The following PPP1R1C variants were observed in gnomAD, a reference collection of about 807,000 sequenced individuals.
PPP1R1C encodes the protein protein phosphatase 1 regulatory inhibitor subunit 1C, also known as protein phosphatase 1 regulatory subunit 1C.
Under a neutral mutation model 17.4 loss-of-function variants are expected in PPP1R1C, and 15 were observed. That is an observed-to-expected ratio of 0.86 (90% CI 0.58 to 1.33). The LOEUF (loss-of-function observed/expected upper bound fraction) is 1.33. Ranked by LOEUF, PPP1R1C falls within the 40% of genes most tolerant of loss-of-function variation. PPP1R1C has a pLI of 0.00. For synonymous variants in PPP1R1C, 35 were observed against 43.1 expected (o/e 0.81, Z 0.73); for missense variants, 143 against 130.0 (o/e 1.10, Z -0.48).
chr2:182,076,288 A>G (rs1421531825), intron 4 of PPP1R1C, among the ~76,000 whole-genome samples: 5 of 121,020 alleles, frequency 4.1e-5, no homozygotes, highest in African/African-American at 1.6e-4. Flanking sequence ...TCTGCCTCCC[A>G]GGTTCACGCC....
At chr2:182,040,233 T>G (rs1687141318) in intron 2 of PPP1R1C, among the ~76,000 whole-genome samples, 1 of 152,210 alleles carries the variant, frequency 6.6e-6, no homozygotes, top group Non-Finnish European at 1.5e-5. Context: ...CTCCATACTG[T>G]TTTCCTTAAA....
intron 2 of PPP1R1C, among the ~76,000 whole-genome samples, chr2:181,977,899 A>G (rs1685122580): frequency 6.6e-6 from 1 of 152,144 alleles, no homozygotes; most frequent in African/African-American, 2.4e-5. Flanking sequence ...TCTGGGCTCC[A>G]CTGGGGCTGT....
intron 2 of PPP1R1C, among the ~76,000 whole-genome samples, chr2:181,998,870 TC>T (rs1206809141): frequency 6.6e-6 from 1 of 152,170 alleles, no homozygotes; most frequent in Non-Finnish European, 1.5e-5. Context: ...TAAAAGGTTT[TC>T]AAGAAAGAAT....
chr2:182,033,073 C>T (rs1188547462), intron 2 of PPP1R1C, among the ~76,000 whole-genome samples: 1 of 152,132 alleles, frequency 6.6e-6, no homozygotes, highest in African/African-American at 2.4e-5. Flanking sequence ...CAATAATTGC[C>T]AAATCCAGTA....
chr2:182,119,159 G>GT (rs1298867537), downstream of PPP1R1C, among the ~76,000 whole-genome samples: 7 of 149,724 alleles, frequency 4.7e-5, no homozygotes, highest in Non-Finnish European at 7.4e-5. Flanking sequence ...GTGGTGTTTG[G>GT]TTTTTTTGTC....
chr2:182,110,454 A>G (rs1354278138), intron 4 of PPP1R1C, among the ~76,000 whole-genome samples: 1 of 152,124 alleles, frequency 6.6e-6, no homozygotes, highest in Non-Finnish European at 1.5e-5. Context: ...TTGCTATCAG[A>G]GGTTTTCCTT....
intron 4 of PPP1R1C, among the ~76,000 whole-genome samples, chr2:182,100,510 GAA>G (rs34715175): frequency 3.8e-5 from 5 of 130,836 alleles, no homozygotes; most frequent in South Asian, 2.6e-4. Context: ...TTCCATCTCG[GAA>G]AAAAAAAAAA....
At chr2:182,121,066 A>T (rs761868138), downstream of PPP1R1C, among the ~76,000 whole-genome samples, 10 of 152,154 alleles carry the variant, frequency 6.6e-5, no homozygotes, top group Non-Finnish European at 1.3e-4. Context: ...TTTCAAAAAA[A>T]TTTTTTTCTA....
intron 4 of PPP1R1C, among the ~76,000 whole-genome samples, chr2:182,116,537 A>T (rs1515894): frequency 3.9e-5 from 6 of 151,966 alleles, no homozygotes; most frequent in Non-Finnish European, 7.4e-5. Flanking sequence ...AGCCTGGAGT[A>T]GCCCGGGGGA....
intron 4 of PPP1R1C, among the ~76,000 whole-genome samples, chr2:182,080,394 C>T (rs985907697): frequency 2.0e-5 from 3 of 152,312 alleles, no homozygotes; most frequent in East Asian, 1.9e-4. Context: ...ATAACGACTT[C>T]GTCTTCTTTG....
At chr2:181,965,228 T>C (rs1684885930) in intron 1 of PPP1R1C, among the ~76,000 whole-genome samples, 1 of 152,236 alleles carries the variant, frequency 6.6e-6, no homozygotes, top group African/African-American at 2.4e-5. Context: ...TTGCAAACAT[T>C]TTCTGCCATT....
chr2:181,971,634 C>T (rs558284331), intron 1 of PPP1R1C, among the ~76,000 whole-genome samples: 1 of 152,274 alleles, frequency 6.6e-6, no homozygotes, highest in African/African-American at 2.4e-5. Context: ...CAGCACCAGA[C>T]CTTGCCAAGG....
chr2:182,024,964 T>A (rs1318209299), intron 2 of PPP1R1C, among the ~76,000 whole-genome samples: 2 of 150,234 alleles, frequency 1.3e-5, no homozygotes, highest in East Asian at 3.9e-4. Context: ...TTTTTTTTTT[T>A]TAATGGGTAC....
At chr2:181,984,988 A>G (rs931130470), upstream of PPP1R1C, among the ~76,000 whole-genome samples, 15 of 152,048 alleles carry the variant, frequency 9.9e-5, no homozygotes, top group Admixed American at 5.2e-4. Flanking sequence ...GCCAATATCA[A>G]CCCTCTGAAC....
chr2:181,999,462 G>C (rs575902216), intron 2 of PPP1R1C, among the ~76,000 whole-genome samples: 56 of 152,278 alleles, frequency 3.7e-4, no homozygotes, highest in African/African-American at 1.3e-3. Flanking sequence ...TGTACATATA[G>C]ATTGTGTAAC....
chr2:181,983,762 T>C (rs1685237233), upstream of PPP1R1C, among the ~76,000 whole-genome samples: 2 of 152,174 alleles, frequency 1.3e-5, no homozygotes, highest in South Asian at 4.1e-4. Context: ...GTTATTATGA[T>C]AAATAGAGTT....
rs1032829018 is a variant in PPP1R1C, at chr2:182,077,100, T to G, written c.241+13309T>G. 2.6e-5 allele frequency among the ~76,000 whole-genome samples: 4 copies of G among 152,306 alleles called. No individual in the cohort carries two copies. The East Asian group carries it at 7.7e-4, about 29-fold the overall frequency. ...AGTCTACCTTCAAATTTTTAGAAAATTACTACGTGAATACTCATTTGTGTA... is the reference window on the plus strand; with the variant it reads ...AGTCTACCTTCAAATTTTTAGAAAAGTACTACGTGAATACTCATTTGTGTA... On this transcript the variant is annotated intron_variant, in intron 4 of 4. Transcript: ENST00000682840.
intron 5 of PPP1R1C, among the ~76,000 whole-genome samples, chr2:182,126,253 CTTATG>C (rs1416288143): frequency 6.6e-6 from 1 of 151,928 alleles, no homozygotes; most frequent in Non-Finnish European, 1.5e-5. Context: ...AGCATGTCTA[CTTATG>C]TTAAAGTGTC....
At chr2:181,965,207 A>G (rs553748148) in intron 1 of PPP1R1C, among the ~76,000 whole-genome samples, 1 of 152,176 alleles carries the variant, frequency 6.6e-6, no homozygotes, top group African/African-American at 2.4e-5. Flanking sequence ...ATCCCTTGTC[A>G]TAAGAATAGT....
Sources: gnomAD v4.1 joint callset for allele counts (sites outside exome capture counted in the v4.1 genomes callset) on GRCh38, gnomAD v4.1.1 for gene constraint, MANE v1.5 for transcripts, NCBI Gene and HGNC (gene_info 2026-07-23, HGNC 2026-07-21) for gene names.